The following MEP1B variants were observed in gnomAD, a reference collection of about 807,000 sequenced individuals.
MEP1B encodes the protein meprin A subunit beta, also known as N-benzoyl-L-tyrosyl-P-amino-benzoic acid hydrolase subunit beta.
In MEP1B, 80 loss-of-function variants were observed where a neutral mutation model predicts 84.6. The observed-to-expected ratio is 0.95, with a 90% CI of 0.79 to 1.14. The LOEUF is 1.14. Ranked by LOEUF, MEP1B falls within the 50% of genes most tolerant of loss-of-function variation. The pLI, the probability that MEP1B is intolerant of heterozygous loss-of-function variation, is 0.00. For synonymous variants in MEP1B, 273 were observed against 288.1 expected (o/e 0.95, Z 0.53); for missense variants, 766 against 855.1 (o/e 0.90, Z 1.30).
chr18:32,218,931 A>G (rs2041122814), intron 14 of MEP1B, among the ~76,000 whole-genome samples: 1 of 152,344 alleles, frequency 6.6e-6, no homozygotes, highest in East Asian at 1.9e-4. Flanking sequence ...TAGAGTACAG[A>G]GTTTTACATG....
At chr18:32,199,332 T>C (rs1020409534) in intron 5 of MEP1B, among the ~76,000 whole-genome samples, 1 of 152,180 alleles carries the variant, frequency 6.6e-6, no homozygotes, top group Non-Finnish European at 1.5e-5. Flanking sequence ...TGGAAGGTTG[T>C]GTTGAATAAG....
intron 14 of MEP1B, among the ~76,000 whole-genome samples, chr18:32,219,966 C>T (rs986417319): frequency 5.9e-5 from 9 of 152,170 alleles, no homozygotes; most frequent in African/African-American, 1.7e-4. Context: ...TCCCAGATGT[C>T]GTTTAGATCT....
At chr18:32,204,927 C>G (rs543847430) in intron 7 of MEP1B, among the ~76,000 whole-genome samples, 9 of 152,168 alleles carry the variant, frequency 5.9e-5, no homozygotes, top group Non-Finnish European at 1.0e-4. Context: ...TGGGATTAAT[C>G]CATTTATGAG....
Position 32,214,353 on chromosome 18 carries a change from C to A in MEP1B, c.1580-729C>A, listed in dbSNP as rs150439979. Among the ~76,000 whole-genome samples, 13 of 152,198 alleles carry A rather than the reference C, an allele frequency of 8.5e-5. No individual in the cohort carries two copies. In the East Asian group the frequency reaches 2.5e-3, roughly 29 times the overall value. ...AGTAAAGGAAAAAATGGAATTATGG[C>A]AAGCTGAATAATTTTGCCAAATGTG... On this transcript the variant is annotated intron_variant, in intron 11 of 14. Transcript: ENST00000269202.
At chr18:32,219,655 TAAACTTGCTTAGCAAGTAA>T (rs1265074906) in intron 14 of MEP1B, among the ~76,000 whole-genome samples, 3 of 152,056 alleles carry the variant, frequency 2.0e-5, no homozygotes, top group African/African-American at 4.8e-5. Flanking sequence ...TAAGCAAGTA[TAAACTTGCTTAGCAAGTAA>T]AAACTGGAAG....
rs780170025 is a variant in MEP1B, at chr18:32,191,850, T to C, written c.82+10T>C. 6.6e-6 allele frequency: 10 copies of C among 1,519,062 alleles called. No individual in the cohort carries two copies. In the South Asian group the frequency reaches 1.2e-4, roughly 18 times the overall value. 94.1% of individuals were successfully genotyped at this position (1,519,062 alleles called of 1,614,324 possible). A position where few individuals can be genotyped will look rare whatever the true frequency, so the allele number is the denominator to read the frequency against. On this transcript the variant is annotated intron_variant, in intron 2 of 14. Coordinates refer to ENST00000269202, the MANE Select transcript of MEP1B (RefSeq NM_005925.3). ...ACTCCAGAAAACTTTGGTGAGTCTA[T>C]TTTGAGTTTTGTTCTAGGTTATAGA...
rs747189884 is a variant in MEP1B at position 32,207,368 on chromosome 18, C to T, written c.664C>T (p.Pro222Ser). ...AACTGCATTCCAAAATGGAACAGAG[C>T]CGACAATTGTCACAAGAATCTCAGA... is the stretch of plus-strand genomic sequence containing the variant. ...SKTAFQNGTE[P>S]TIVTRISDFE... Residue 222 changes from proline to serine, a missense_variant, in exon 8 of 15, where the codon CCG becomes TCG. Pro to Ser is a moderately conservative substitution (Grantham distance 74). Coordinates refer to ENST00000269202, the MANE Select transcript of MEP1B (RefSeq NM_005925.3). 1.9e-6 allele frequency: 3 copies of T among 1,613,116 alleles called. No homozygotes were observed. The highest frequency in any genetic ancestry group is 2.5e-6 in the Non-Finnish European group (3 of 1,179,466).
At chr18:32,192,751 T>G in intron 3 of MEP1B, 23 bp from the exon 4 acceptor site, 1 of 1,612,800 alleles carries the variant, frequency 6.2e-7, no homozygotes, top group Non-Finnish European at 8.5e-7. Context: ...TTTGCTAACA[T>G]GAATTTTTAT....
chr18:32,194,337 C>T (rs1296013761), intron 4 of MEP1B, among the ~76,000 whole-genome samples: 1 of 152,132 alleles, frequency 6.6e-6, no homozygotes, highest in Non-Finnish European at 1.5e-5. Flanking sequence ...TTGTCCTTAT[C>T]TCTCACAGCA....
At chr18:32,210,794 T>C (rs547372186) in intron 10 of MEP1B, 78 bp downstream of exon 10, 152 of 1,179,854 alleles carry the variant, frequency 1.3e-4, no homozygotes, top group Non-Finnish European at 1.8e-4. Flanking sequence ...TGCAACAATT[T>C]ACAATAGGGC....
intron 5 of MEP1B, among the ~76,000 whole-genome samples, chr18:32,199,520 A>G (rs1407377731): frequency 1.3e-5 from 2 of 152,190 alleles, no homozygotes; most frequent in Non-Finnish European, 2.9e-5. Flanking sequence ...TAAAGAGCAC[A>G]GGGGGCATGA....
At position 32,217,898 on chromosome 18, in the gene MEP1B, T is replaced by C; in HGVS notation, c.2024T>C (p.Val675Ala). 1.2e-6 allele frequency: 2 copies of C among 1,613,974 alleles called. No individual in the cohort carries two copies. The highest frequency in any genetic ancestry group is 1.7e-6 in the Non-Finnish European group (2 of 1,179,896). ...ALMLIITLVS[V>A]YCTRKKYRER... ...ATGCTGATCATCACCCTTGTCAGTG[T>C]CTATTGCACCAGGAAGAAATATCGT... The change falls in exon 14 of 15, where the codon GTC becomes GCC. Residue 675 changes from valine to alanine, a missense_variant. Transcript: ENST00000269202.
rs1300111288 is a variant in MEP1B, at chr18:32,217,911, G to T, written c.2037G>T (p.Arg679Ser). 2 of 1,613,946 alleles carry T rather than the reference G, an allele frequency of 1.2e-6. No individual in the cohort carries two copies. ...IITLVSVYCT[R>S]KKYRERMSSN... ...CCCTTGTCAGTGTCTATTGCACCAG[G>T]AAGAAATATCGTGAAAGGATGAGCT... The change falls in exon 14 of 15, where the codon AGG becomes AGT. Residue 679 changes from arginine (R) to serine (S), a missense_variant. Arg to Ser is a moderately radical substitution (Grantham distance 110). Transcript: ENST00000269202.
At chr18:32,214,941 A>T in intron 11 of MEP1B, 141 bp from the exon 12 acceptor site, 1 of 633,278 alleles carries the variant, frequency 1.6e-6, no homozygotes, top group South Asian at 2.2e-5. Flanking sequence ...GTGATTTGCC[A>T]GGGAATACAT....
chr18:32,199,568 C>A lies in MEP1B; in HGVS notation c.251-3325C>A, dbSNP rs184439458. Among the ~76,000 whole-genome samples the A allele has an allele frequency of 1.8e-3, 277 of 150,738 alleles. 1 individual carries two copies. The highest frequency in any genetic ancestry group is 5.5e-3 in the Admixed American group (83 of 15,096). On this transcript the variant is annotated intron_variant, in intron 5 of 14. Transcript: ENST00000269202. Reference sequence around the variant, plus strand: ...GTTCATTGACTTTTGGAATTAGGAACCTGAAAGATTTTGAATATACATGTT... The same window carrying A: ...GTTCATTGACTTTTGGAATTAGGAAACTGAAAGATTTTGAATATACATGTT...
intron 10 of MEP1B, 37 bp from the exon 11 acceptor site, chr18:32,213,079 C>A (rs1555707631): frequency 1.3e-6 from 2 of 1,578,272 alleles, no homozygotes; most frequent in Non-Finnish European, 1.7e-6. Context: ...ATGATTTGAA[C>A]TTCTTTGTCT....
rs757577788 is a variant in MEP1B, at chr18:32,191,807, G to T, written c.64-15G>T. 5.3e-6 allele frequency: 8 copies of T among 1,510,568 alleles called. No individual in the cohort carries two copies. The South Asian group carries it at 9.6e-5, about 18-fold the overall frequency. 93.6% of individuals were successfully genotyped at this position (1,510,568 alleles called of 1,614,324 possible). A position where few individuals can be genotyped will look rare whatever the true frequency, so the allele number is the denominator to read the frequency against. On this transcript the variant is annotated splice_polypyrimidine_tract_variant and intron_variant, in intron 1 of 14. Transcript: ENST00000269202. ...CATTATAATAATATGTTTTGTTTAT[G>T]TGTTTATTTCCCAGGCAACTCCAGA...
Position 32,196,440 on chromosome 18 carries a change from C to T in MEP1B, c.250+955C>T. 1.4e-6 allele frequency: 1 copy of T among 693,818 alleles called. No homozygotes were observed. 43.0% of individuals were successfully genotyped at this position (693,818 alleles called of 1,614,324 possible). ...CCAGCTGGGTCTTACAGAGGGTGTG[C>T]AGCCAGCCCTTCCTTCTGGTGCTGC... is the stretch of plus-strand genomic sequence containing the variant. On this transcript the variant is annotated intron_variant, in intron 5 of 14. Transcript: ENST00000269202. The surrounding 1 kb of genome is among the most constrained non-coding windows in gnomAD (Gnocchi z 4.4).
chr18:32,199,668 GTTCCTTCCTTCCTTCC>G (rs201128780), intron 5 of MEP1B, among the ~76,000 whole-genome samples: 16 of 126,848 alleles, frequency 1.3e-4, no homozygotes, highest in Non-Finnish European at 2.1e-4. Flanking sequence ...CCTTTCGTTC[GTTCCTTCCTTCCTTCC>G]TTCCTTCCTT....
Sources: gnomAD v4.1 joint callset for allele counts (sites outside exome capture counted in the v4.1 genomes callset) on GRCh38, gnomAD v4.1.1 for gene constraint, Gnocchi (gnomAD v3.1) non-coding constraint, MANE v1.5 for transcripts, NCBI Gene and HGNC (gene_info 2026-07-23, HGNC 2026-07-21) for gene names.